The following TBCK variants were observed in gnomAD, a reference collection of about 807,000 sequenced individuals.
TBCK encodes the protein TBC domain-containing protein kinase-like protein.
A neutral mutation model predicts 113.4 loss-of-function variants in TBCK; 99 were observed. That is an observed-to-expected ratio of 0.87 (90% CI 0.74 to 1.03). The LOEUF is 1.03. TBCK is among the 50% of genes least tolerant of loss of function. The pLI is 0.00. For synonymous variants in TBCK, 369 were observed against 370.8 expected (o/e 1.00, Z 0.05); for missense variants, 1,045 against 1,061.3 (o/e 0.98, Z 0.21).
chr4:106,299,136 G>C (rs1281922650), intron 2 of TBCK, among the ~76,000 whole-genome samples: 1 of 152,184 alleles, frequency 6.6e-6, no homozygotes, highest in South Asian at 2.1e-4. Flanking sequence ...CAGGTGTACT[G>C]CATCACAGGT....
At chr4:106,133,791 C>A (rs970105977) in intron 23 of TBCK, among the ~76,000 whole-genome samples, 1 of 152,120 alleles carries the variant, frequency 6.6e-6, no homozygotes, top group African/African-American at 2.4e-5. Flanking sequence ...TGGGCCTTGG[C>A]CACTTGAAGT....
At chr4:106,070,196 A>AGAG (rs1410131107) in intron 25 of TBCK, among the ~76,000 whole-genome samples, 5 of 152,188 alleles carry the variant, frequency 3.3e-5, no homozygotes, top group African/African-American at 1.2e-4. Context: ...GAGTGGTGAG[A>AGAG]GAGGGCATCC....
At chr4:106,192,946 G>C (rs777529764) in intron 22 of TBCK, among the ~76,000 whole-genome samples, 1 of 152,044 alleles carries the variant, frequency 6.6e-6, no homozygotes, top group African/African-American at 2.4e-5. Flanking sequence ...TGAAGTTTCT[G>C]CAAAAATATA....
At position 106,044,721 on chromosome 4, in the gene TBCK, C is replaced by T. The variant is rs1404937447; in HGVS notation, c.*1849G>A. ...AAAGTATTCTGGATAATACTGATTG[C>T]ACAACTTTGTGAATACACTAAAAAC... On this transcript the variant is annotated 3_prime_UTR_variant, in exon 26 of 26. Coordinates refer to ENST00000394708, the MANE Select transcript of TBCK (RefSeq NM_001163435.3). 1 of 152,160 alleles carries T rather than the reference C, an allele frequency of 6.6e-6. No homozygotes were observed. Among genetic ancestry groups the T allele is most frequent in the Non-Finnish European group, 1.5e-5 (1 of 68,034 alleles). 9.4% of individuals were successfully genotyped at this position (152,160 alleles called of 1,614,324 possible). A position where few individuals can be genotyped will look rare whatever the true frequency, so the allele number is the denominator to read the frequency against.
chr4:106,244,628 G>A lies in TBCK; in HGVS notation c.1068C>T (p.Pro356=). 6.3e-7 allele frequency: 1 copy of A among 1,585,188 alleles called. No homozygotes were observed. Among genetic ancestry groups the A allele is most frequent in the East Asian group, 2.3e-5 (1 of 43,578 alleles). ...IRSKPPICTL[P]NFLFEDGESF... ...CCAAGAGAAGTTTCTTTCCTTACTT[G>A]GGGAGTGTGCAGATAGGTGGTTTGG... Residue 356 remains proline, a splice_region_variant and synonymous_variant, in exon 11 of 26, where the codon CCC becomes CCT. Transcript: ENST00000394708.
intron 20 of TBCK, among the ~76,000 whole-genome samples, chr4:106,208,182 C>T (rs949349635): frequency 7.2e-5 from 11 of 152,232 alleles, no homozygotes; most frequent in African/African-American, 2.6e-4. Context: ...GCAGAAAAAT[C>T]CCTAGGCAGA....
intron 3 of TBCK, among the ~76,000 whole-genome samples, chr4:106,282,088 T>C (rs1371990367): frequency 6.6e-6 from 1 of 152,142 alleles, no homozygotes; most frequent in Non-Finnish European, 1.5e-5. Flanking sequence ...CATTACTGGT[T>C]ATAGGTCTGT....
At chr4:106,199,998 A>G (rs970696671) in intron 20 of TBCK, among the ~76,000 whole-genome samples, 1 of 152,188 alleles carries the variant, frequency 6.6e-6, no homozygotes, top group Non-Finnish European at 1.5e-5. Context: ...AATAAAAGCC[A>G]AAGTCCTAAT....
At chr4:106,103,860 A>G (rs1273152899) in intron 24 of TBCK, among the ~76,000 whole-genome samples, 5 of 152,208 alleles carry the variant, frequency 3.3e-5, no homozygotes, top group Non-Finnish European at 7.3e-5. Context: ...AGAATGAAGA[A>G]AAGTAAGACA....
At position 106,228,342 on chromosome 4, in the gene TBCK, AT is replaced by A. The variant is rs35435051; in HGVS notation, c.1774+2020del. On this transcript the variant is annotated intron_variant, in intron 19 of 25. Coordinates refer to ENST00000394708, the MANE Select transcript of TBCK (RefSeq NM_001163435.3). ...CAAGGTCTTATTTATTCTTTCGGTT[AT>A]TTTTTTTTTTTTACCCATTCACAAT... is the stretch of plus-strand genomic sequence containing the variant. Among the ~76,000 whole-genome samples the A allele has an allele frequency of 3.8e-4, 55 of 146,020 alleles. No individual in the cohort carries two copies. In the South Asian group the frequency reaches 3.9e-3, roughly 10 times the overall value.
chr4:106,111,922 A>AAAGGGC (rs1742906676), intron 24 of TBCK, among the ~76,000 whole-genome samples: 1 of 152,206 alleles, frequency 6.6e-6, no homozygotes, highest in African/African-American at 2.4e-5. Context: ...TTCCATCTTA[A>AAAGGGC]AAGGCAATGC....
In TBCK at chr4:106,249,273, C is replaced by T. The variant is rs574765329; in HGVS notation, c.659-291G>A. Among the ~76,000 whole-genome samples the T allele has an allele frequency of 2.0e-5, 3 of 152,264 alleles. No individual in the cohort carries two copies. The South Asian group carries it at 6.2e-4, about 32-fold the overall frequency. On this transcript the variant is annotated intron_variant, in intron 7 of 25. Transcript: ENST00000394708. ...ATACTCTAGCTCTCTCTGTCTCTCT[C>T]TAAATATACACATGCAGACACACAT... is the stretch of plus-strand genomic sequence containing the variant.
intron 23 of TBCK, among the ~76,000 whole-genome samples, chr4:106,145,412 C>T (rs540599588): frequency 1.3e-5 from 2 of 152,278 alleles, no homozygotes; most frequent in East Asian, 1.9e-4. Flanking sequence ...CTTTCCATGG[C>T]ATATAACAAC....
intron 25 of TBCK, among the ~76,000 whole-genome samples, chr4:106,088,065 GC>G (rs1215957205): frequency 6.6e-6 from 1 of 152,160 alleles, no homozygotes; most frequent in Non-Finnish European, 1.5e-5. Context: ...TGACAAAAAT[GC>G]CAAAAGCAAT....
intron 2 of TBCK, among the ~76,000 whole-genome samples, chr4:106,302,355 G>A (rs1377863058): frequency 6.6e-6 from 1 of 152,126 alleles, no homozygotes; most frequent in African/African-American, 2.4e-5. Flanking sequence ...AAGCGGATCA[G>A]TTCCCACCCG....
At chr4:106,252,105 T>C (rs1761502213) in intron 5 of TBCK, 98 bp from the exon 6 acceptor site, 1 of 951,822 alleles carries the variant, frequency 1.1e-6, no homozygotes, top group South Asian at 2.6e-5. Context: ...AAAAGTCTCA[T>C]GCAATTAAAT....
chr4:106,088,887 A>G (rs1015273449), intron 25 of TBCK, among the ~76,000 whole-genome samples: 10 of 152,114 alleles, frequency 6.6e-5, no homozygotes, highest in Non-Finnish European at 1.0e-4. Context: ...TTGAGAACAC[A>G]TGGACACAGA....
At chr4:106,087,470 T>C (rs1324335921) in intron 25 of TBCK, among the ~76,000 whole-genome samples, 2 of 152,142 alleles carry the variant, frequency 1.3e-5, no homozygotes, top group Admixed American at 1.3e-4. Context: ...TCCTCATGGA[T>C]AGGAAGAATC....
chr4:106,280,933 T>C (rs571188140), intron 3 of TBCK, among the ~76,000 whole-genome samples: 2 of 152,292 alleles, frequency 1.3e-5, no homozygotes, highest in East Asian at 3.9e-4. Context: ...ATATAAGTTT[T>C]AGGATTGTTT....
Sources: gnomAD v4.1 joint callset for allele counts (sites outside exome capture counted in the v4.1 genomes callset) on GRCh38, gnomAD v4.1.1 for gene constraint, MANE v1.5 for transcripts, NCBI Gene and HGNC (gene_info 2026-07-23, HGNC 2026-07-21) for gene names.